Variants in UIMC1 observed in about 807,000 individuals in gnomAD.
The protein encoded by UIMC1 is BRCA1-A complex subunit RAP80.
UIMC1 carries 42 observed loss-of-function variants against 84.9 expected under a neutral mutation model. The ratio of observed to expected loss-of-function variants is 0.49; its 90% CI spans 0.39 to 0.64. UIMC1 has a LOEUF of 0.64. Ranked by LOEUF, UIMC1 falls within the 30% of genes least tolerant of loss-of-function variation. The probability of loss-of-function intolerance (pLI) is 0.00; values close to 1 mark genes in which losing one functional copy is unlikely to be tolerated. For missense variants in UIMC1, 825 were observed against 847.6 expected (o/e 0.97, Z 0.33); for synonymous variants, 281 against 293.0 (o/e 0.96, Z 0.42).
intron 3 of UIMC1, among the ~76,000 whole-genome samples, chr5:176,974,550 A>C (rs1769760585): frequency 6.6e-6 from 1 of 152,220 alleles, no homozygotes. Flanking sequence ...ATCAAAGTTT[A>C]AAACTTCTGT....
chr5:176,999,035 AT>A (rs1388063319), intron 1 of UIMC1, among the ~76,000 whole-genome samples: 2 of 152,046 alleles, frequency 1.3e-5, no homozygotes, highest in Admixed American at 6.6e-5. Context: ...ACAAAAAAAA[AT>A]TAAAAATCAG....
At chr5:176,912,079 CA>C (rs1243968771) in intron 10 of UIMC1, among the ~76,000 whole-genome samples, 3 of 152,240 alleles carry the variant, frequency 2.0e-5, no homozygotes, top group African/African-American at 7.2e-5. Context: ...AATTTCACTT[CA>C]AACTCTGCCT....
In UIMC1 at chr5:177,018,785, G is replaced by A. The variant is rs191715530; in HGVS notation, c.-9+3679C>T. On this transcript the variant is annotated intron_variant, in intron 1 of 5. Coordinates refer to the UIMC1 transcript ENST00000509236. ...TCAGGACTCTGCCTCCATGGCACAG[G>A]GGATGAACCCTGACAGCACTCATTG... is the stretch of plus-strand genomic sequence containing the variant. 3.7e-3 allele frequency among the ~76,000 whole-genome samples: 564 copies of A among 152,294 alleles called. 2 individuals carry two copies. The highest frequency in any genetic ancestry group is 5.6e-3 in the Non-Finnish European group (384 of 68,012).
In UIMC1 at chr5:176,987,065, C is replaced by A. The variant is rs548315867; in HGVS notation, c.-8-4442G>T. 1.1e-4 allele frequency among the ~76,000 whole-genome samples: 17 copies of A among 150,952 alleles called. No individual in the cohort carries two copies. In the South Asian group the frequency reaches 3.6e-3, roughly 32 times the overall value. ...TGAAACCCTGTCTCCACTAAAAATA[C>A]AAAAATTAGCCAGGCGTGGTGGCGG... On this transcript the variant is annotated intron_variant, in intron 1 of 14. Transcript: ENST00000511320.
intron 9 of UIMC1, among the ~76,000 whole-genome samples, chr5:176,944,448 G>A (rs574541318): frequency 6.6e-6 from 1 of 152,192 alleles, no homozygotes; most frequent in Non-Finnish European, 1.5e-5. Context: ...AACAGTGTGT[G>A]TGAGCACTGC....
chr5:176,947,234 G>C (rs1765237218), intron 9 of UIMC1, among the ~76,000 whole-genome samples: 1 of 152,048 alleles, frequency 6.6e-6, no homozygotes, highest in African/African-American at 2.4e-5. Flanking sequence ...CATTTAAAAA[G>C]TCTATTTAAG....
rs762275257 is a variant in UIMC1 at position 176,905,498 on chromosome 5, G to A, written c.1950-6C>T. 1.1e-5 allele frequency: 17 copies of A among 1,611,776 alleles called. No homozygotes were observed. The highest frequency in any genetic ancestry group is 1.4e-5 in the Non-Finnish European group (17 of 1,179,384). ...CCATCCCTGGTGAAGGCACCCTAGAGAGAAGGAAAAAAATTCAGATTCAAT... is the reference window on the plus strand; with the variant it reads ...CCATCCCTGGTGAAGGCACCCTAGAAAGAAGGAAAAAAATTCAGATTCAAT... On this transcript the variant is annotated splice_polypyrimidine_tract_variant and splice_region_variant and intron_variant, in intron 14 of 14. Transcript: ENST00000511320.
chr5:176,969,316 G>T, intron 5 of UIMC1, 25 bp from the exon 6 acceptor site: 2 of 1,570,526 alleles, frequency 1.3e-6, no homozygotes, highest in South Asian at 2.4e-5. Context: ...GAAAAAGTAG[G>T]GCTAAGGACA....
chr5:176,948,298 A>G (rs1473995197), intron 9 of UIMC1, among the ~76,000 whole-genome samples: 3 of 152,236 alleles, frequency 2.0e-5, no homozygotes. Context: ...CTCAAATACT[A>G]TTGAGCAATT....
chr5:177,006,248 G>C (rs1220783132), intron 1 of UIMC1: 1 of 152,356 alleles, frequency 6.6e-6, no homozygotes, highest in Non-Finnish European at 1.5e-5. Flanking sequence ...GCCCTGCGTG[G>C]CGTCAGGGGA....
intron 10 of UIMC1, among the ~76,000 whole-genome samples, chr5:176,930,901 T>C (rs1346696906): frequency 6.6e-6 from 1 of 152,248 alleles, no homozygotes; most frequent in African/African-American, 2.4e-5. Context: ...AGGTCAATTC[T>C]GATGAGATGA....
intron 10 of UIMC1, among the ~76,000 whole-genome samples, chr5:176,934,559 G>T (rs1009063187): frequency 4.6e-5 from 7 of 152,198 alleles, no homozygotes; most frequent in African/African-American, 1.7e-4. Context: ...CCTCACTCTG[G>T]ACTTGTGACG....
rs763980292 is a variant in UIMC1, at chr5:176,940,790, T to C, written c.1597+2545A>G. ...TACTGGGAATGGTAACAACAGCTAATAGTTCTTATGTATTTACTATGTGCT... is the reference window on the plus strand; with the variant it reads ...TACTGGGAATGGTAACAACAGCTAACAGTTCTTATGTATTTACTATGTGCT... On this transcript the variant is annotated intron_variant, in intron 10 of 14. Coordinates refer to ENST00000511320, the MANE Select transcript of UIMC1 (RefSeq NM_001199298.2). Among the ~76,000 whole-genome samples, 31 of 152,352 alleles carry C rather than the reference T, an allele frequency of 2.0e-4. No homozygotes were observed. In the Middle Eastern group the frequency reaches 0.017, roughly 84 times the overall value.
intron 1 of UIMC1, among the ~76,000 whole-genome samples, chr5:176,995,071 G>A (rs1293691916): frequency 1.3e-5 from 2 of 152,110 alleles, no homozygotes; most frequent in African/African-American, 4.8e-5. Flanking sequence ...TGGCCTTGGA[G>A]TGAGTCAGCC....
chr5:176,919,981 T>C (rs1369165311), intron 10 of UIMC1, among the ~76,000 whole-genome samples: 1 of 152,148 alleles, frequency 6.6e-6, no homozygotes, highest in Non-Finnish European at 1.5e-5. Flanking sequence ...GACCAACTTG[T>C]CAATTTACAA....
chr5:176,976,671 G>A (rs989633244), intron 2 of UIMC1, among the ~76,000 whole-genome samples: 21 of 152,196 alleles, frequency 1.4e-4, no homozygotes, highest in African/African-American at 4.8e-4. Context: ...AAAGAAGTCA[G>A]ACAAAAGGCC....
Position 176,968,628 on chromosome 5 carries a change from A to G in UIMC1, c.1127T>C (p.Phe376Ser), listed in dbSNP as rs140023711. Residue 376 changes from phenylalanine (F) to serine (S), a missense_variant, in exon 6 of 15, where the codon TTC becomes TCC. Transcript: ENST00000511320. ...ASDWHSKTKD[F>S]QESSIKSLKE... is the part of the protein sequence containing the mutation. ...CAAGCTTTTAATTGAGCTTTCCTGG[A>G]AATCCTTGGTTTTTGAGTGCCAGTC... is the stretch of plus-strand genomic sequence containing the variant. 1.4e-5 allele frequency: 22 copies of G among 1,613,584 alleles called. No homozygotes were observed. The African/African-American group carries it at 2.8e-4, about 21-fold the overall frequency.
At chr5:176,954,941 T>C (rs1048151515) in intron 8 of UIMC1, among the ~76,000 whole-genome samples, 4 of 152,196 alleles carry the variant, frequency 2.6e-5, no homozygotes, top group Non-Finnish European at 5.9e-5. Context: ...CTAATCCTTA[T>C]AGGCTATACG....
intron 10 of UIMC1, among the ~76,000 whole-genome samples, chr5:176,941,076 T>A (rs1581462436): frequency 6.6e-6 from 1 of 152,188 alleles, no homozygotes; most frequent in African/African-American, 2.4e-5. Flanking sequence ...GCTAAGAGGC[T>A]CAGTACTGTG....
Sources: gnomAD v4.1 joint callset for allele counts (sites outside exome capture counted in the v4.1 genomes callset) on GRCh38, gnomAD v4.1.1 for gene constraint, MANE v1.5 for transcripts, NCBI Gene and HGNC (gene_info 2026-07-23, HGNC 2026-07-21) for gene names.